Variants in EFHC1 observed in about 807,000 individuals in gnomAD.
The protein encoded by EFHC1 is EF-hand domain-containing protein 1.
A neutral mutation model predicts 69.9 loss-of-function variants in EFHC1; 53 were observed. The ratio of observed to expected loss-of-function variants is 0.76; its 90% CI spans 0.61 to 0.95. EFHC1 has a LOEUF of 0.95. Among genes scored for constraint, EFHC1 ranks in the 40% least tolerant of loss-of-function variants. The pLI is 0.00. For missense variants in EFHC1, 739 were observed against 798.7 expected, an observed-to-expected ratio of 0.93 and a Z score of 0.90; for synonymous variants, 256 against 278.4, an observed-to-expected ratio of 0.92 and a Z score of 0.80.
intron 2 of EFHC1, chr6:52,437,538 AT>A (rs1312387069): frequency 3.3e-5 from 5 of 152,248 alleles, no homozygotes; most frequent in Admixed American, 6.5e-5. Context: ...AGTGGTTTAA[AT>A]AATAGAATTT....
intron 10 of EFHC1, chr6:52,490,651 A>G (rs1049528729): frequency 1.8e-6 from 1 of 569,640 alleles, no homozygotes; most frequent in African/African-American, 1.9e-5. Context: ...GGTGGCTACC[A>G]AGGGGAGACT....
intron 3 of EFHC1, among the ~76,000 whole-genome samples, chr6:52,440,252 C>T (rs1283918781): frequency 6.6e-6 from 1 of 151,952 alleles, no homozygotes; most frequent in Non-Finnish European, 1.5e-5. Flanking sequence ...TTAAAGACAC[C>T]TTATTTAATA....
At chr6:52,429,240 T>G (rs1764366928) in intron 2 of EFHC1, among the ~76,000 whole-genome samples, 1 of 152,232 alleles carries the variant, frequency 6.6e-6, no homozygotes. Context: ...CATTTGCTTT[T>G]GGGTTCTTGG....
At chr6:52,473,893 G>A (rs1765490485) in intron 7 of EFHC1, among the ~76,000 whole-genome samples, 1 of 152,070 alleles carries the variant, frequency 6.6e-6, no homozygotes, top group South Asian at 2.1e-4. Flanking sequence ...CTTCAAGTGG[G>A]AGCAGATGTT....
At chr6:52,477,157 A>C (rs1765562012) in intron 7 of EFHC1, among the ~76,000 whole-genome samples, 1 of 152,004 alleles carries the variant, frequency 6.6e-6, no homozygotes, top group Admixed American at 6.6e-5. Context: ...TTTTATTCTA[A>C]GTGTGCTAGA....
chr6:52,453,861 C>A (rs1764976456), intron 4 of EFHC1: 1 of 1,359,150 alleles, frequency 7.4e-7, no homozygotes, highest in South Asian at 1.2e-5. Flanking sequence ...TCTTTTTTGG[C>A]ACAAACTTAT....
chr6:52,478,695 G>A (rs1765598038), intron 7 of EFHC1, among the ~76,000 whole-genome samples: 1 of 152,114 alleles, frequency 6.6e-6, no homozygotes, highest in African/African-American at 2.4e-5. Context: ...TGGGCTTCAT[G>A]GTGCTTTAAA....
chr6:52,424,240 A>T, intron 2 of EFHC1, 73 bp downstream of exon 2: 1 of 1,386,998 alleles, frequency 7.2e-7, no homozygotes, highest in South Asian at 1.2e-5. Flanking sequence ...AAGTTAAAAC[A>T]GTAAACCACA....
intron 1 of EFHC1, among the ~76,000 whole-genome samples, chr6:52,423,035 T>C (rs933481168): frequency 5.9e-5 from 9 of 152,248 alleles, no homozygotes; most frequent in African/African-American, 2.2e-4. Flanking sequence ...CTTCAACATT[T>C]ACCATTGTAA....
chr6:52,456,057 T>C (rs949772876), intron 5 of EFHC1, among the ~76,000 whole-genome samples: 1 of 152,132 alleles, frequency 6.6e-6, no homozygotes, highest in African/African-American at 2.4e-5. Context: ...ATTAGAATGA[T>C]TGCATGTGAG....
intron 2 of EFHC1, among the ~76,000 whole-genome samples, chr6:52,425,961 T>C (rs497545): frequency 0.9 from 137,100 of 152,224 alleles, 62,277 homozygotes; most frequent in African/African-American, 0.98. Flanking sequence ...CCCTTGCTCC[T>C]GTATAATTCC....
chr6:52,455,472 G>T (rs1296789217), intron 5 of EFHC1, among the ~76,000 whole-genome samples: 1 of 152,046 alleles, frequency 6.6e-6, no homozygotes, highest in African/African-American at 2.4e-5. Flanking sequence ...AGCTAACATG[G>T]TGAAACCCCA....
At chr6:52,464,051 C>G (rs1163462027) in intron 5 of EFHC1, among the ~76,000 whole-genome samples, 2 of 152,224 alleles carry the variant, frequency 1.3e-5, no homozygotes. Context: ...GATCAGGGTT[C>G]TGTGCCAAAG....
rs373697046 is a variant in EFHC1 at position 52,472,610 on chromosome 6, T to C, written c.1278+3137T>C. On this transcript the variant is annotated intron_variant, in intron 7 of 10. Coordinates refer to ENST00000371068, the MANE Select transcript of EFHC1 (RefSeq NM_018100.4). ...TTTTAGGTGTTACATACAAAAGATA[T>C]GTAACACCTAAAAGATGTATCTTTA... 1.2e-4 allele frequency among the ~76,000 whole-genome samples: 19 copies of C among 152,084 alleles called. No homozygotes were observed. The East Asian group carries it at 2.5e-3, about 20-fold the overall frequency.
chr6:52,479,820 CA>C, intron 9 of EFHC1, 33 bp downstream of exon 9: 1 of 1,612,230 alleles, frequency 6.2e-7, no homozygotes, highest in Non-Finnish European at 8.5e-7. Context: ...TTGGCACACT[CA>C]AGATATTCAG....
chr6:52,434,373 C>G (rs1363908634), intron 2 of EFHC1, among the ~76,000 whole-genome samples: 1 of 152,186 alleles, frequency 6.6e-6, no homozygotes, highest in African/African-American at 2.4e-5. Context: ...CTTCCTCTAC[C>G]CCCGTATTTC....
intron 7 of EFHC1, among the ~76,000 whole-genome samples, chr6:52,476,176 C>CAA (rs1765542083): frequency 6.6e-6 from 1 of 152,084 alleles, no homozygotes; most frequent in Admixed American, 6.6e-5. Context: ...GTCCAGGTAA[C>CAA]AAGAAAGTAT....
At chr6:52,422,441 A>AG (rs1287538742) in intron 1 of EFHC1, among the ~76,000 whole-genome samples, 2 of 152,200 alleles carry the variant, frequency 1.3e-5, no homozygotes, top group African/African-American at 4.8e-5. Context: ...CATGACCTTT[A>AG]AAAACAAATG....
chr6:52,461,680 C>T (rs1470420091), intron 5 of EFHC1, among the ~76,000 whole-genome samples: 2 of 151,900 alleles, frequency 1.3e-5, no homozygotes, highest in Admixed American at 6.6e-5. Flanking sequence ...ATTTACCCTC[C>T]CATGAACAAT....
Sources: gnomAD v4.1 joint callset for allele counts (sites outside exome capture counted in the v4.1 genomes callset) on GRCh38, gnomAD v4.1.1 for gene constraint, MANE v1.5 for transcripts, NCBI Gene and HGNC (gene_info 2026-07-23, HGNC 2026-07-21) for gene names.